Variants in TMTC2 observed in about 807,000 individuals in gnomAD.
TMTC2 encodes transmembrane O-mannosyltransferase targeting cadherins 2.
Under a neutral mutation model 82.4 loss-of-function variants are expected in TMTC2, and 43 were observed. The observed-to-expected ratio is 0.52, with a 90% CI of 0.41 to 0.67. The LOEUF is 0.67. Ranked by LOEUF, TMTC2 falls within the 30% of genes least tolerant of loss-of-function variation. TMTC2 has a pLI of 0.00. For synonymous variants in TMTC2, 408 were observed against 381.9 expected (o/e 1.07, Z -0.80); for missense variants, 919 against 1,012.4 (o/e 0.91, Z 1.25).
At chr12:82,937,921 T>G (rs202192746) in intron 4 of TMTC2, among the ~76,000 whole-genome samples, 56 of 19,232 alleles carry the variant, frequency 2.9e-3, no homozygotes, top group African/African-American at 4.9e-3. Context: ...TTTTTTTTTT[T>G]ATTTTTTTTT....
chr12:82,808,388 A>G (rs1451465869), intron 1 of TMTC2, among the ~76,000 whole-genome samples: 2 of 152,100 alleles, frequency 1.3e-5, no homozygotes, highest in Admixed American at 1.3e-4. Flanking sequence ...TGTGTTAACT[A>G]CAATAAAATA....
At chr12:83,091,389 A>AT (rs1424579688) in intron 11 of TMTC2, among the ~76,000 whole-genome samples, 1 of 152,058 alleles carries the variant, frequency 6.6e-6, no homozygotes, top group Non-Finnish European at 1.5e-5. Context: ...TTCCTTACAT[A>AT]TTTTTTTACT....
At chr12:83,071,679 G>A (rs1051749076) in intron 11 of TMTC2, among the ~76,000 whole-genome samples, 4 of 152,056 alleles carry the variant, frequency 2.6e-5, no homozygotes, top group South Asian at 2.1e-4. Context: ...TTTTAATCTC[G>A]CTGCTTGTTA....
intron 3 of TMTC2, among the ~76,000 whole-genome samples, chr12:82,909,092 A>G (rs1314627634): frequency 3.3e-5 from 5 of 152,160 alleles, no homozygotes; most frequent in African/African-American, 7.2e-5. Flanking sequence ...TGTTTGTCCA[A>G]ATAGGCCAAA....
intron 1 of TMTC2, among the ~76,000 whole-genome samples, chr12:82,801,160 G>A (rs1399711796): frequency 1.3e-5 from 2 of 152,094 alleles, no homozygotes; most frequent in African/African-American, 4.8e-5. Context: ...AAGCTTCTGT[G>A]TCCTGAATTG....
At chr12:83,124,900 G>A (rs1885059101) in intron 11 of TMTC2, among the ~76,000 whole-genome samples, 1 of 152,158 alleles carries the variant, frequency 6.6e-6, no homozygotes. Flanking sequence ...GAGGCTGATG[G>A]AGGTTAAGGA....
At chr12:83,026,528 C>T (rs1019565595) in intron 8 of TMTC2, among the ~76,000 whole-genome samples, 4 of 151,980 alleles carry the variant, frequency 2.6e-5, no homozygotes, top group Non-Finnish European at 2.9e-5. Flanking sequence ...TCAAGACACA[C>T]TACAGAGTTG....
intron 2 of TMTC2, among the ~76,000 whole-genome samples, chr12:82,883,055 C>CAA (rs66496024): frequency 1.2e-3 from 79 of 68,284 alleles, no homozygotes; most frequent in Admixed American, 1.5e-3. Context: ...AACTTGGTCT[C>CAA]AAAAAAAAAA....
At position 83,133,156 on chromosome 12, in the gene TMTC2, T is replaced by G. The variant is rs1277212155; in HGVS notation, c.*767T>G. ...TTAAATTTTAATATCGTCAATATTT[T>G]CCCCCAAACTGCCCAGTAGAATTCA... On this transcript the variant is annotated 3_prime_UTR_variant, in exon 12 of 12. Transcript: ENST00000321196. 1 of 152,312 alleles carries G rather than the reference T, an allele frequency of 6.6e-6. No individual in the cohort carries two copies. Among genetic ancestry groups the G allele is most frequent in the Non-Finnish European group, 1.5e-5 (1 of 68,024 alleles). The allele number at this position is 152,312 out of a possible 1,614,324, so 9.4% of individuals were successfully genotyped here. A position where few individuals can be genotyped will look rare whatever the true frequency, so the allele number is the denominator to read the frequency against.
chr12:82,691,071 C>CAT (rs1227460180), intron 1 of TMTC2, among the ~76,000 whole-genome samples: 7 of 152,244 alleles, frequency 4.6e-5, no homozygotes, highest in Admixed American at 1.3e-4. Flanking sequence ...TCACTTAGCA[C>CAT]ATATCTTCTA....
chr12:83,011,570 T>G (rs2137387094), intron 8 of TMTC2, among the ~76,000 whole-genome samples: 1 of 152,310 alleles, frequency 6.6e-6, no homozygotes, highest in East Asian at 1.9e-4. Context: ...CGTTCAGCCT[T>G]ATCAACCATC....
chr12:83,108,931 G>A (rs905693162), intron 11 of TMTC2, among the ~76,000 whole-genome samples: 3 of 152,164 alleles, frequency 2.0e-5, no homozygotes, highest in Non-Finnish European at 2.9e-5. Context: ...GGTACAGTAA[G>A]AACTAATATC....
intron 3 of TMTC2, among the ~76,000 whole-genome samples, chr12:82,907,338 C>T (rs1461770318): frequency 6.6e-6 from 1 of 151,804 alleles, no homozygotes. Context: ...TGGTGCGCGC[C>T]TATAGTCCCA....
intron 4 of TMTC2, among the ~76,000 whole-genome samples, chr12:82,940,597 A>C (rs539668624): frequency 6.6e-6 from 1 of 151,656 alleles, no homozygotes; most frequent in Admixed American, 6.6e-5. Flanking sequence ...AGTTTTCCCA[A>C]ATATGTTTTG....
rs865870651 is a variant in TMTC2, at chr12:83,027,413, A to G, written c.2071-3385A>G. On this transcript the variant is annotated intron_variant, in intron 8 of 11. Coordinates refer to ENST00000321196, the MANE Select transcript of TMTC2 (RefSeq NM_152588.3). ...AGCAAGTCATCACTTAACGTAGTTGATAGATTATTGGATGCTGCAACTTTA... is the reference window on the plus strand; with the variant it reads ...AGCAAGTCATCACTTAACGTAGTTGGTAGATTATTGGATGCTGCAACTTTA... Among the ~76,000 whole-genome samples, 9 of 152,298 alleles carry G rather than the reference A, an allele frequency of 5.9e-5. 1 individual carries two copies. In the South Asian group the frequency reaches 1.9e-3, roughly 32 times the overall value.
intron 8 of TMTC2, among the ~76,000 whole-genome samples, chr12:83,014,730 CTT>C (rs35994059): frequency 0.071 from 10,789 of 151,256 alleles, 532 homozygotes; most frequent in African/African-American, 0.13. Context: ...AAGAAGAGAA[CTT>C]TTTTTTTTTG....
At chr12:82,961,192 CTATTATTAT>C (rs139490507) in intron 4 of TMTC2, among the ~76,000 whole-genome samples, 85,228 of 146,032 alleles carry the variant, frequency 0.58, 25,002 homozygotes, top group East Asian at 0.69. Flanking sequence ...TTCTCTGCCA[CTATTATTAT>C]TATTATTATT....
rs1409068291 is a variant in TMTC2 at position 82,896,231 on chromosome 12, A to T, written c.1068A>T (p.Ser356=). ...KQNANGHSCL[S]DVEYQNSETK... is the part of the protein sequence containing the mutation. ...ATGCAAATGGACATAGCTGCCTTTCAGATGTGGAGTACCAGAACTCAGAGA... is the reference window on the plus strand; with the variant it reads ...ATGCAAATGGACATAGCTGCCTTTCTGATGTGGAGTACCAGAACTCAGAGA... Residue 356 remains serine (S), a synonymous_variant, in exon 3 of 12, where the codon TCA becomes TCT. Coordinates refer to ENST00000321196, the MANE Select transcript of TMTC2 (RefSeq NM_152588.3). 1 of 1,614,118 alleles carries T rather than the reference A, an allele frequency of 6.2e-7. No homozygotes were observed. Among genetic ancestry groups the T allele is most frequent in the Non-Finnish European group, 8.5e-7 (1 of 1,180,022 alleles).
chr12:82,861,913 T>C (rs113183221), intron 2 of TMTC2, among the ~76,000 whole-genome samples: 215 of 152,322 alleles, frequency 1.4e-3, no homozygotes, highest in African/African-American at 4.9e-3. Context: ...ACTTAGTAAA[T>C]TATTGAATTC....
Sources: gnomAD v4.1 joint callset for allele counts (sites outside exome capture counted in the v4.1 genomes callset) on GRCh38, gnomAD v4.1.1 for gene constraint, MANE v1.5 for transcripts, NCBI Gene and HGNC (gene_info 2026-07-23, HGNC 2026-07-21) for gene names.